The following ZSCAN9 variants were observed in gnomAD, a reference collection of about 807,000 sequenced individuals.
ZSCAN9 encodes the protein zinc finger and SCAN domain containing 9.
A neutral mutation model predicts 23.0 loss-of-function variants in ZSCAN9; 19 were observed. The observed-to-expected ratio is 0.83, with a 90% CI of 0.58 to 1.21. The LOEUF is 1.21. Ranked by LOEUF, ZSCAN9 falls within the 50% of genes most tolerant of loss-of-function variation. The pLI is 0.00. For missense variants in ZSCAN9, 467 were observed against 471.5 expected (o/e 0.99, Z 0.09); for synonymous variants, 155 against 164.8 (o/e 0.94, Z 0.46).
rs1760139863 is a variant in ZSCAN9, at chr6:28,227,217, C to T, written c.133C>T (p.Pro45Ser). 6.2e-7 allele frequency: 1 copy of T among 1,614,222 alleles called. No individual in the cohort carries two copies. The highest frequency in any genetic ancestry group is 1.1e-5 in the South Asian group (1 of 91,088). ...WQESRLKRSN[P>S]LAREIFRRHF... ...GGAATCCAGACTGAAACGCAGTAATCCACTGGCAAGGGAAATCTTCCGAAG... is the reference window on the plus strand; with the variant it reads ...GGAATCCAGACTGAAACGCAGTAATTCACTGGCAAGGGAAATCTTCCGAAG... The change falls in exon 2 of 4, where the codon CCA (proline) becomes TCA (serine). Residue 45 changes from proline (P) to serine (S), a missense_variant. Physicochemically the swap from Pro to Ser is moderately conservative, Grantham distance 74 (BLOSUM62 -1). Transcript: ENST00000252207.
chr6:28,228,120 A>G, intron 3 of ZSCAN9: 1 of 670,950 alleles, frequency 1.5e-6, no homozygotes, highest in Non-Finnish European at 2.7e-6. Context: ...AATGGACTTC[A>G]AGGTTTGACA....
chr6:28,227,117 G>A lies in ZSCAN9; in HGVS notation c.33G>A (p.Leu11=). 1 of 1,614,154 alleles carries A rather than the reference G, an allele frequency of 6.2e-7. No individual in the cohort carries two copies. Among genetic ancestry groups the A allele is most frequent in the Non-Finnish European group, 8.5e-7 (1 of 1,180,016 alleles). ...CAAACTCAAAGGAGGTTTTATCCCTGGGTGTTCAAGTTCCCGAGGCATGGG... is the reference window on the plus strand; with the variant it reads ...CAAACTCAAAGGAGGTTTTATCCCTAGGTGTTCAAGTTCCCGAGGCATGGG... MNTNSKEVLS[L]GVQVPEAWEE... The change falls in exon 2 of 4, where the codon CTG becomes CTA. Residue 11 remains leucine, a synonymous_variant. Coordinates refer to ENST00000252207, the MANE Select transcript of ZSCAN9 (RefSeq NM_006299.5).
At chr6:28,231,053 G>A (rs2299029) in intron 3 of ZSCAN9, among the ~76,000 whole-genome samples, 31,037 of 152,036 alleles carry the variant, frequency 0.2, 3,601 homozygotes, top group African/African-American at 0.3. Context: ...AAGACCCCCA[G>A]TAGATGCCTG....
rs1242962006 is a variant in ZSCAN9, at chr6:28,232,923, C to G, written c.930C>G (p.Tyr310Ter). 1.2e-6 allele frequency: 2 copies of G among 1,614,124 alleles called. No individual in the cohort carries two copies. Among genetic ancestry groups the G allele is most frequent in the South Asian group, 2.2e-5 (2 of 91,074 alleles). Residue 310 changes from tyrosine to a stop codon, truncating the protein, a stop_gained, in exon 4 of 4, where the codon TAC becomes TAG. Coordinates refer to ENST00000252207, the MANE Select transcript of ZSCAN9 (RefSeq NM_006299.5). LOFTEE classifies it low-confidence loss of function (END_TRUNC). ...HRGIHNIQKR[Y>*]HCKECGKVFS... is the part of the protein sequence containing the mutation. ...GAATCCACAATATACAGAAACGGTA[C>G]CACTGCAAGGAGTGTGGGAAGGTCT...
Position 28,232,261 on chromosome 6 carries a change from A to G in ZSCAN9, c.569-301A>G, listed in dbSNP as rs375933640. 1.6e-4 allele frequency among the ~76,000 whole-genome samples: 25 copies of G among 151,516 alleles called. No homozygotes were observed. The South Asian group carries it at 2.1e-3, about 13-fold the overall frequency. On this transcript the variant is annotated intron_variant, in intron 3 of 3. Transcript: ENST00000252207. ...CAGGAGAATCGCTTGAACCTGGGAAATGGAGGCTGCAGTGAGCTGAGATCA... is the reference window on the plus strand; with the variant it reads ...CAGGAGAATCGCTTGAACCTGGGAAGTGGAGGCTGCAGTGAGCTGAGATCA...
At chr6:28,231,539 G>A (rs1760300908) in intron 3 of ZSCAN9, among the ~76,000 whole-genome samples, 1 of 152,208 alleles carries the variant, frequency 6.6e-6, no homozygotes, top group Non-Finnish European at 1.5e-5. Flanking sequence ...GAGGCCAGGA[G>A]TTTGAGACCA....
In ZSCAN9 at chr6:28,233,361, T is replaced by G; in HGVS notation, c.*183T>G. 1 of 1,021,312 alleles carries G rather than the reference T, an allele frequency of 9.8e-7. No homozygotes were observed. The highest frequency in any genetic ancestry group is 1.4e-6 in the Non-Finnish European group (1 of 737,700). The allele number at this position is 1,021,312 out of a possible 1,614,324, so 63.3% of individuals were successfully genotyped here. The stretch of plus-strand genomic sequence containing the variant: ...AAGCTACTGTTTTCTCTTTTGTTCA[T>G]TTTACCTCTTTCTTACTCTTACTAG... On this transcript the variant is annotated 3_prime_UTR_variant, in exon 4 of 4. Coordinates refer to ENST00000252207, the MANE Select transcript of ZSCAN9 (RefSeq NM_006299.5).
chr6:28,225,339 C>T lies in ZSCAN9; in HGVS notation c.-101C>T, dbSNP rs1390427878. 6.6e-6 allele frequency: 1 copy of T among 152,214 alleles called. No individual in the cohort carries two copies. Among genetic ancestry groups the T allele is most frequent in the Non-Finnish European group, 1.5e-5 (1 of 68,058 alleles). 9.4% of individuals were successfully genotyped at this position (152,214 alleles called of 1,614,324 possible). A position where few individuals can be genotyped will look rare whatever the true frequency, so the allele number is the denominator to read the frequency against. ...CTAGCAACGCCGGGCCGGTAACCCC[C>T]TCTCCCTCCTTGCGCGTTCCGGGTC... On this transcript the variant is annotated 5_prime_UTR_variant, in exon 1 of 4. Coordinates refer to ENST00000252207, the MANE Select transcript of ZSCAN9 (RefSeq NM_006299.5).
intron 3 of ZSCAN9, chr6:28,228,591 G>T (rs936076965): frequency 3.9e-5 from 6 of 154,706 alleles, no homozygotes; most frequent in African/African-American, 1.4e-4. Flanking sequence ...CTCAGCATAT[G>T]TGAGGGAATA....
intron 3 of ZSCAN9, among the ~76,000 whole-genome samples, chr6:28,229,921 G>A (rs1286516655): frequency 1.3e-5 from 2 of 150,178 alleles, no homozygotes; most frequent in Admixed American, 6.7e-5. Flanking sequence ...GCAGTGGCAC[G>A]ATCTCGGCTC....
At chr6:28,227,582 C>T (rs1760157770) in intron 2 of ZSCAN9, 78 bp downstream of exon 2, 10 of 1,566,664 alleles carry the variant, frequency 6.4e-6, no homozygotes, top group African/African-American at 1.4e-5. Context: ...TTTGTGTCTC[C>T]TTGACATTGG....
intron 1 of ZSCAN9, among the ~76,000 whole-genome samples, 169 bp downstream of exon 1, chr6:28,225,535 C>A (rs1049075226): frequency 6.6e-6 from 1 of 152,144 alleles, no homozygotes; most frequent in African/African-American, 2.4e-5. Context: ...TCATCCCCAG[C>A]TGTGGGGACA....
chr6:28,227,968 T>C (rs764321232), intron 3 of ZSCAN9, 131 bp downstream of exon 3: 1 of 1,095,834 alleles, frequency 9.1e-7, no homozygotes, highest in South Asian at 1.3e-5. Context: ...TCAGTTCTTC[T>C]GAGAGCCTAG....
intron 1 of ZSCAN9, among the ~76,000 whole-genome samples, chr6:28,226,063 A>G (rs1760107332): frequency 6.6e-6 from 1 of 152,112 alleles, no homozygotes; most frequent in Non-Finnish European, 1.5e-5. Flanking sequence ...GCTTCTTAGG[A>G]TTGTCCTCAA....
rs140182393 is a variant in ZSCAN9 at position 28,229,058 on chromosome 6, C to T, written c.568+1221C>T. The T allele has an allele frequency of 3.9e-5, 6 of 152,332 alleles. No individual in the cohort carries two copies. In the East Asian group the frequency reaches 9.6e-4, roughly 24 times the overall value. 9.4% of individuals were successfully genotyped at this position (152,332 alleles called of 1,614,324 possible). ...TACTGTTTTCAGTTTCATATTACCC[C>T]TATATGCATCAAAGCTGCAACTTCC... On this transcript the variant is annotated intron_variant, in intron 3 of 3. Transcript: ENST00000252207.
At chr6:28,229,793 TG>T (rs1403381500) in intron 3 of ZSCAN9, among the ~76,000 whole-genome samples, 1 of 152,150 alleles carries the variant, frequency 6.6e-6, no homozygotes, top group Non-Finnish European at 1.5e-5. Flanking sequence ...GTCACTTTGC[TG>T]CATATTTTGC....
In ZSCAN9 at chr6:28,232,802, T is replaced by C. The variant is rs1760355558; in HGVS notation, c.809T>C (p.Ile270Thr). 1.2e-6 allele frequency: 2 copies of C among 1,614,198 alleles called. No homozygotes were observed. Residue 270 changes from isoleucine to threonine, a missense_variant, in exon 4 of 4, where the codon ATT becomes ACT. By Grantham distance (89) the Ile-to-Thr change is moderately conservative. Coordinates refer to ENST00000252207, the MANE Select transcript of ZSCAN9 (RefSeq NM_006299.5). ...GKSFTQSSGLIRHQRIHTGER... is the reference protein window; with the variant it reads ...GKSFTQSSGLTRHQRIHTGER... ...AGCTTTACTCAGAGCTCAGGTCTCA[T>C]TCGACATCAAAGAATTCATACTGGA...
intron 3 of ZSCAN9, chr6:28,228,445 A>T (rs1760189344): frequency 4.9e-6 from 1 of 205,796 alleles, no homozygotes; most frequent in Admixed American, 6.1e-5. Context: ...GCATACAGAG[A>T]GAGAGCAAGC....
intron 1 of ZSCAN9, 119 bp from the exon 2 acceptor site, chr6:28,226,893 G>C: frequency 1.9e-6 from 1 of 513,040 alleles, no homozygotes; most frequent in Non-Finnish European, 3.4e-6. Context: ...TCCATCCTTT[G>C]GTCACCAAAT....
Sources: gnomAD v4.1 joint callset for allele counts (sites outside exome capture counted in the v4.1 genomes callset) on GRCh38, gnomAD v4.1.1 for gene constraint, MANE v1.5 for transcripts, NCBI Gene and HGNC (gene_info 2026-07-23, HGNC 2026-07-21) for gene names.